PRKAR2A: variants seen among roughly 807,000 people sequenced by gnomAD.
PRKAR2A encodes the protein protein kinase cAMP-dependent type II regulatory subunit alpha.
A neutral mutation model predicts 51.9 loss-of-function variants in PRKAR2A; 29 were observed. That is an observed-to-expected ratio of 0.56 (90% CI 0.42 to 0.76). The LOEUF (loss-of-function observed/expected upper bound fraction) is 0.76, where lower values mean the gene tolerates loss of function less well. PRKAR2A is among the 30% of genes least tolerant of loss of function. The pLI is 0.00. For synonymous variants in PRKAR2A, 178 were observed against 186.2 expected (o/e 0.96, Z 0.36); for missense variants, 445 against 512.1 (o/e 0.87, Z 1.26).
Position 48,803,297 on chromosome 3 carries a change from C to T in PRKAR2A, c.298+4352G>A, listed in dbSNP as rs2082619234. Among the ~76,000 whole-genome samples the T allele has an allele frequency of 1.3e-5, 2 of 152,076 alleles. 1 individual carries two copies. Among genetic ancestry groups the T allele is most frequent in the South Asian group, 4.2e-4 (2 of 4,816 alleles). On this transcript the variant is annotated intron_variant, in intron 2 of 10. Coordinates refer to ENST00000265563, the MANE Select transcript of PRKAR2A (RefSeq NM_004157.4). Reference sequence around the variant, plus strand: ...TGGTGGTGCACACTTGTCGTCCCAGCTACTTGGGAGGTTGAGGCAGGAGGA... The same window carrying T: ...TGGTGGTGCACACTTGTCGTCCCAGTTACTTGGGAGGTTGAGGCAGGAGGA...
chr3:48,782,138 A>G (rs1019122672), intron 5 of PRKAR2A, among the ~76,000 whole-genome samples: 2 of 152,150 alleles, frequency 1.3e-5, no homozygotes, highest in Admixed American at 6.6e-5. Context: ...AGGACTAAGG[A>G]GATCAGAAGG....
chr3:48,756,360 T>C lies in PRKAR2A; in HGVS notation c.939+19A>G. On this transcript the variant is annotated intron_variant, in intron 9 of 10. Coordinates refer to ENST00000265563, the MANE Select transcript of PRKAR2A (RefSeq NM_004157.4). ...TACTTTTTGTGTGTACACCATCACA[T>C]ATAAACTGATAAACTCACCCTGCTT... 1 of 1,601,428 alleles carries C rather than the reference T, an allele frequency of 6.2e-7. No homozygotes were observed.
intron 8 of PRKAR2A, among the ~76,000 whole-genome samples, chr3:48,757,294 T>A (rs1264046935): frequency 6.6e-6 from 1 of 152,200 alleles, no homozygotes; most frequent in Non-Finnish European, 1.5e-5. Context: ...TTTAAAGTGG[T>A]CACATTTCAA....
At chr3:48,745,803 T>G (rs1329964749), downstream of PRKAR2A, among the ~76,000 whole-genome samples, 1 of 152,126 alleles carries the variant, frequency 6.6e-6, no homozygotes, top group Non-Finnish European at 1.5e-5. Context: ...CCTCCCAAAG[T>G]GCTGGGATTA....
In PRKAR2A at chr3:48,773,070, G is replaced by T; in HGVS notation, c.581C>A (p.Thr194Asn). The change falls in exon 6 of 11, where the codon ACC (threonine) becomes AAC (asparagine). Residue 194 changes from threonine to asparagine, a missense_variant. Physicochemically the swap from Thr to Asn is moderately conservative, Grantham distance 65. Transcript: ENST00000265563. ...GTTGTCATATTGACCAACAGAGCGG[G>T]TTTGATTATCTTTTGTTACTAAAAT... ...YDILVTKDNQ[T>N]RSVGQYDNRG... 6.2e-7 allele frequency: 1 copy of T among 1,611,448 alleles called. No individual in the cohort carries two copies. Among genetic ancestry groups the T allele is most frequent in the Non-Finnish European group, 8.5e-7 (1 of 1,178,476 alleles).
intron 1 of PRKAR2A, among the ~76,000 whole-genome samples, chr3:48,837,758 T>C (rs2083307033): frequency 6.6e-6 from 1 of 151,424 alleles, no homozygotes; most frequent in African/African-American, 2.4e-5. Context: ...CAGAATAGTA[T>C]TTAGCAATAA....
In PRKAR2A at chr3:48,847,168, C is replaced by G. The variant is rs1043480716; in HGVS notation, c.262+167G>C. On this transcript the variant is annotated intron_variant, in intron 1 of 10. Coordinates refer to ENST00000265563, the MANE Select transcript of PRKAR2A (RefSeq NM_004157.4). This position sits in a 1 kb window ranked among gnomAD's most constrained non-coding sequence, Gnocchi z 4.4. ...CGGAGCTCAATTTGGAAGTGGCGCA[C>G]GCGGGCTCACGCCGGTGTCTCAGGG... 6.6e-6 allele frequency among the ~76,000 whole-genome samples: 1 copy of G among 152,192 alleles called. No individual in the cohort carries two copies.
chr3:48,812,631 T>C (rs892425903), intron 1 of PRKAR2A, among the ~76,000 whole-genome samples: 7 of 152,124 alleles, frequency 4.6e-5, no homozygotes, highest in East Asian at 3.9e-4. Context: ...TACAGGCGCC[T>C]GCCACCACGC....
intron 6 of PRKAR2A, among the ~76,000 whole-genome samples, chr3:48,769,530 G>A (rs1480784518): frequency 1.3e-5 from 2 of 151,630 alleles, no homozygotes; most frequent in Non-Finnish European, 2.9e-5. Flanking sequence ...AGGTTGGAGT[G>A]CAATGGCGCA....
chr3:48,807,700 G>A lies in PRKAR2A; in HGVS notation c.263-16C>T, dbSNP rs1281710149. On this transcript the variant is annotated splice_polypyrimidine_tract_variant and intron_variant, in intron 1 of 10. Transcript: ENST00000265563. ...GGAACTGGAACTGCAAAATAAAGAA[G>A]CAACATTTAGTCATTATTATGTCAC... 1 of 1,601,070 alleles carries A rather than the reference G, an allele frequency of 6.2e-7. No individual in the cohort carries two copies. The highest frequency in any genetic ancestry group is 8.6e-7 in the Non-Finnish European group (1 of 1,169,212).
chr3:48,771,087 G>A (rs1208135439), intron 6 of PRKAR2A, among the ~76,000 whole-genome samples: 5 of 152,058 alleles, frequency 3.3e-5, no homozygotes, highest in Admixed American at 6.6e-5. Context: ...TTGGCTGGGC[G>A]TGGTGGCACA....
chr3:48,749,784 C>A lies in PRKAR2A; in HGVS notation c.*1801G>T, dbSNP rs1241121185. The A allele has an allele frequency of 1.3e-5, 2 of 152,140 alleles. No individual in the cohort carries two copies. Among genetic ancestry groups the A allele is most frequent in the African/African-American group, 2.4e-5 (1 of 41,392 alleles). 9.4% of individuals were successfully genotyped at this position (152,140 alleles called of 1,614,324 possible). A position where few individuals can be genotyped will look rare whatever the true frequency, so the allele number is the denominator to read the frequency against. On this transcript the variant is annotated 3_prime_UTR_variant, in exon 11 of 11. Coordinates refer to ENST00000265563, the MANE Select transcript of PRKAR2A (RefSeq NM_004157.4). ...TGTGGGTCACCGTGCCTGGCCAATG[C>A]CAATTTTTGAAAACAGATTTGATCT...
In PRKAR2A at chr3:48,847,497, C is replaced by T. The variant is rs979145990; in HGVS notation, c.100G>A (p.Val34Met). Residue 34 changes from valine to methionine, a missense_variant, in exon 1 of 11, where the codon GTG (valine) becomes ATG (methionine). By Grantham distance (21) the Val-to-Met change is conservative. Transcript: ENST00000265563. This position sits in a 1 kb window ranked among gnomAD's most constrained non-coding sequence, Gnocchi z 4.4. ...TCGCGCAGGCGGGTGAAGTACTCCA[C>T]TGCGAATTCGACGAGGTCAGGCGGC... ...QQPPDLVEFA[V>M]EYFTRLREAR... 3 of 1,556,382 alleles carry T rather than the reference C, an allele frequency of 1.9e-6. No homozygotes were observed. Among genetic ancestry groups the T allele is most frequent in the African/African-American group, 2.7e-5 (2 of 73,262 alleles).
intron 2 of PRKAR2A, among the ~76,000 whole-genome samples, chr3:48,805,469 CAAGA>C (rs1322589499): frequency 6.6e-6 from 1 of 152,118 alleles, no homozygotes; most frequent in Non-Finnish European, 1.5e-5. Context: ...CCAGAGGGTG[CAAGA>C]AAGAATCTTA....
intron 1 of PRKAR2A, among the ~76,000 whole-genome samples, chr3:48,819,635 T>C (rs1419847803): frequency 6.6e-6 from 1 of 152,224 alleles, no homozygotes; most frequent in Admixed American, 6.5e-5. Flanking sequence ...ATAATGTTTA[T>C]TAGAATCCCC....
At position 48,847,736 on chromosome 3, in the gene PRKAR2A, G is replaced by A. The variant is rs2083493700; in HGVS notation, c.-140C>T. The A allele has an allele frequency of 1.1e-6, 1 of 900,230 alleles. No homozygotes were observed. The highest frequency in any genetic ancestry group is 1.5e-6 in the Non-Finnish European group (1 of 657,192). 55.8% of individuals were successfully genotyped at this position (900,230 alleles called of 1,614,324 possible). ...GCTCACGTCGCGCCGCTCTTTGGCC[G>A]GCTCTGCGTTTCCGGGCCGCGCAAC... On this transcript the variant is annotated 5_prime_UTR_variant, in exon 1 of 11. Transcript: ENST00000265563. The surrounding 1 kb of genome is among the most constrained non-coding windows in gnomAD (Gnocchi z 4.4).
intron 1 of PRKAR2A, among the ~76,000 whole-genome samples, chr3:48,843,898 G>C (rs2083419122): frequency 6.6e-6 from 1 of 151,016 alleles, no homozygotes; most frequent in Non-Finnish European, 1.5e-5. Context: ...AGAAAACCTA[G>C]GCATTACCAT....
chr3:48,842,054 G>A lies in PRKAR2A; in HGVS notation c.262+5281C>T, dbSNP rs184504615. On this transcript the variant is annotated intron_variant, in intron 1 of 10. Coordinates refer to ENST00000265563, the MANE Select transcript of PRKAR2A (RefSeq NM_004157.4). ...TTCTTCCTATCCATGAGCATGGAAT[G>A]TTCTTCCATTTGTTTGTATCCTCTT... is the stretch of plus-strand genomic sequence containing the variant. Among the ~76,000 whole-genome samples, 818 of 152,224 alleles carry A rather than the reference G, an allele frequency of 5.4e-3. 1 individual carries two copies. The highest frequency in any genetic ancestry group is 8.2e-3 in the Non-Finnish European group (558 of 68,004).
chr3:48,844,623 G>A (rs1459461537), intron 1 of PRKAR2A, among the ~76,000 whole-genome samples: 1 of 148,308 alleles, frequency 6.7e-6, no homozygotes, highest in African/African-American at 2.5e-5. Context: ...TTAAGAAAAT[G>A]TGGCACATAT....
Sources: allele counts gnomAD v4.1 joint callset (sites outside exome capture counted in the v4.1 genomes callset), GRCh38; gene constraint gnomAD v4.1.1; non-coding constraint Gnocchi (gnomAD v3.1); transcripts MANE v1.5; gene names NCBI Gene and HGNC (gene_info 2026-07-23, HGNC 2026-07-21).